The following MDN1 variants were observed in gnomAD, a reference collection of about 807,000 sequenced individuals.
MDN1 encodes the protein midasin AAA ATPase 1.
MDN1 carries 266 observed loss-of-function variants against 669.2 expected under a neutral mutation model. The ratio of observed to expected loss-of-function variants is 0.40; its 90% CI spans 0.36 to 0.44. The LOEUF (loss-of-function observed/expected upper bound fraction) is 0.44, where lower values mean the gene tolerates loss of function less well. Among genes scored for constraint, MDN1 ranks in the 20% least tolerant of loss-of-function variants. The probability of loss-of-function intolerance (pLI) is 1.00; values close to 1 mark genes in which losing one functional copy is unlikely to be tolerated. For synonymous variants in MDN1, 2,385 were observed against 2,457.1 expected (o/e 0.97, Z 0.87); for missense variants, 5,940 against 6,754.0 (o/e 0.88, Z 4.22).
intron 36 of MDN1, among the ~76,000 whole-genome samples, chr6:89,728,680 A>T (rs1258775262): frequency 6.6e-6 from 1 of 152,046 alleles, no homozygotes; most frequent in Admixed American, 6.6e-5. Flanking sequence ...ATAATACAAA[A>T]ATTAGCTAGG....
chr6:89,739,382 T>C (rs1371586693), intron 32 of MDN1, among the ~76,000 whole-genome samples: 2 of 152,188 alleles, frequency 1.3e-5, no homozygotes, highest in Non-Finnish European at 1.5e-5. Flanking sequence ...ATATTTTGAA[T>C]GCAATGTATT....
chr6:89,788,635 T>C (rs1450311232), intron 7 of MDN1, among the ~76,000 whole-genome samples: 1 of 152,014 alleles, frequency 6.6e-6, no homozygotes. Context: ...TTCATAAGAG[T>C]TATCGAGAGG....
At chr6:89,786,996 C>T (rs2128325754) in intron 8 of MDN1, among the ~76,000 whole-genome samples, 1 of 148,514 alleles carries the variant, frequency 6.7e-6, no homozygotes, top group Non-Finnish European at 1.5e-5. Flanking sequence ...GTCTCAGCTA[C>T]TTGGGAGGCT....
intron 99 of MDN1, among the ~76,000 whole-genome samples, chr6:89,647,053 C>T (rs1409554928): frequency 1.3e-5 from 2 of 152,176 alleles, no homozygotes; most frequent in Non-Finnish European, 1.5e-5. Context: ...TCCCAAAGTG[C>T]TGGGATTACA....
intron 2 of MDN1, 35 bp downstream of exon 2, chr6:89,803,292 TC>T: frequency 6.3e-7 from 1 of 1,580,354 alleles, no homozygotes; most frequent in Non-Finnish European, 8.7e-7. Context: ...TTCTATCACC[TC>T]AAGGAGAAAT....
intron 33 of MDN1, among the ~76,000 whole-genome samples, 159 bp downstream of exon 33, chr6:89,738,167 G>C (rs186015867): frequency 6.6e-6 from 1 of 152,164 alleles, no homozygotes; most frequent in Non-Finnish European, 1.5e-5. Context: ...TAACAGAATA[G>C]TAATATTCTC....
intron 33 of MDN1, among the ~76,000 whole-genome samples, chr6:89,736,536 T>C (rs1363204094): frequency 6.6e-6 from 1 of 152,168 alleles, no homozygotes; most frequent in Non-Finnish European, 1.5e-5. Flanking sequence ...TCCTGCCTAG[T>C]TCCCAGCACT....
At chr6:89,792,190 A>AT (rs1257326216) in intron 5 of MDN1, among the ~76,000 whole-genome samples, 1 of 152,144 alleles carries the variant, frequency 6.6e-6, no homozygotes, top group Non-Finnish European at 1.5e-5. Flanking sequence ...AATAATAACA[A>AT]TGCATCCAAT....
intron 37 of MDN1, among the ~76,000 whole-genome samples, chr6:89,726,482 G>GAAAAAAAAAAAAAAAAA (rs201576721): frequency 1.8e-4 from 16 of 90,858 alleles, no homozygotes; most frequent in South Asian, 4.0e-4. Context: ...AAGAAAAATA[G>GAAAAAAAAAAAAAAAAA]AAAAAAAAAA....
At chr6:89,783,367 C>A (rs563535050) in intron 9 of MDN1, among the ~76,000 whole-genome samples, 1 of 152,218 alleles carries the variant, frequency 6.6e-6, no homozygotes, top group East Asian at 1.9e-4. Context: ...TCCTGCAGTA[C>A]CCTCAGGCTT....
chr6:89,664,074 G>A (rs560216918), intron 85 of MDN1, among the ~76,000 whole-genome samples: 78 of 152,202 alleles, frequency 5.1e-4, no homozygotes, highest in Non-Finnish European at 8.5e-4. Flanking sequence ...AGGCCTGAGG[G>A]GGGATCTATT....
chr6:89,721,603 A>T (rs897622294), intron 40 of MDN1, among the ~76,000 whole-genome samples: 7 of 152,132 alleles, frequency 4.6e-5, no homozygotes, highest in African/African-American at 1.7e-4. Context: ...ACAACAAGCA[A>T]GCATGCAGCT....
intron 29 of MDN1, among the ~76,000 whole-genome samples, chr6:89,744,103 T>TAAAAA (rs576136951): frequency 2.7e-5 from 1 of 36,738 alleles, no homozygotes; most frequent in Non-Finnish European, 5.9e-5. Context: ...AATGCCTTCT[T>TAAAAA]AAAAAAAAAA....
chr6:89,761,908 C>T (rs1259630792), intron 16 of MDN1, among the ~76,000 whole-genome samples, 160 bp from the exon 17 acceptor site: 1 of 152,172 alleles, frequency 6.6e-6, no homozygotes, highest in African/African-American at 2.4e-5. Context: ...CCAGACATGA[C>T]ACTAATTAGC....
chr6:89,783,964 A>G (rs923772126), intron 9 of MDN1, among the ~76,000 whole-genome samples: 11 of 151,698 alleles, frequency 7.3e-5, no homozygotes, highest in Non-Finnish European at 1.3e-4. Context: ...TCTGGGCGAC[A>G]TAAAAAGACT....
At chr6:89,687,780 G>A (rs1480798672) in intron 67 of MDN1, among the ~76,000 whole-genome samples, 1 of 152,156 alleles carries the variant, frequency 6.6e-6, no homozygotes, top group Admixed American at 6.5e-5. Flanking sequence ...AGGGCACTGA[G>A]GGGAACCGTG....
At chr6:89,811,516 G>T (rs546850175) in intron 1 of MDN1, among the ~76,000 whole-genome samples, 3 of 151,734 alleles carry the variant, frequency 2.0e-5, no homozygotes, top group Non-Finnish European at 4.4e-5. Context: ...GGCTCACTGT[G>T]ACCTCCGCGT....
intron 77 of MDN1, 149 bp from the exon 78 acceptor site, chr6:89,675,728 T>C (rs533586401): frequency 4.7e-6 from 3 of 637,010 alleles, no homozygotes; most frequent in Non-Finnish European, 8.2e-6. Flanking sequence ...TTTCTCCAAT[T>C]ATGCTTGCAC....
chr6:89,660,490 G>GTTT (rs1809660008), intron 88 of MDN1, among the ~76,000 whole-genome samples: 1 of 150,950 alleles, frequency 6.6e-6, no homozygotes, highest in African/African-American at 2.4e-5. Flanking sequence ...AGCCTACTGG[G>GTTT]TTTTTTTTTC....
Sources: allele counts gnomAD v4.1 joint callset (sites outside exome capture counted in the v4.1 genomes callset), GRCh38; gene constraint gnomAD v4.1.1; transcripts MANE v1.5; gene names NCBI Gene and HGNC (gene_info 2026-07-23, HGNC 2026-07-21).